Variants in DNAI7 observed in about 807,000 individuals in gnomAD.
The protein encoded by DNAI7 is cancer susceptibility 1.
DNAI7 carries 78 observed loss-of-function variants against 86.6 expected under a neutral mutation model. That is an observed-to-expected ratio of 0.90 (90% CI 0.75 to 1.09). The LOEUF is 1.09. Among genes scored for constraint, DNAI7 ranks in the 50% least tolerant of loss-of-function variants. DNAI7 has a pLI of 0.00. For synonymous variants in DNAI7, 274 were observed against 273.0 expected (o/e 1.00, Z -0.04); for missense variants, 753 against 810.2 (o/e 0.93, Z 0.86).
chr12:25,154,186 CCAATTA>C lies in DNAI7; in HGVS notation c.438+127_438+132del. 9 of 657,522 alleles carry C rather than the reference CCAATTA, an allele frequency of 1.4e-5. No homozygotes were observed. In the South Asian group the frequency reaches 2.4e-4, roughly 17 times the overall value. The allele number at this position is 657,522 out of a possible 1,614,324, so 40.7% of individuals were successfully genotyped here. A position where few individuals can be genotyped will look rare whatever the true frequency, so the allele number is the denominator to read the frequency against. The stretch of plus-strand genomic sequence containing the variant: ...AAGAAAAAAGAAAATGAAAAGATTA[CCAATTA>C]CTTCTTTTGCTAAGGGTTCAAAAGC... On this transcript the variant is annotated intron_variant, in intron 6 of 15. Coordinates refer to ENST00000395987, the MANE Select transcript of DNAI7 (RefSeq NM_018272.5).
intron 9 of DNAI7, among the ~76,000 whole-genome samples, chr12:25,126,456 G>A (rs2220193): frequency 0.68 from 103,974 of 151,964 alleles, 39,629 homozygotes; most frequent in East Asian, 0.99. Context: ...ACCCAAGGCA[G>A]AAGCAACCAG....
chr12:25,154,605 T>C (rs906676194), intron 5 of DNAI7, 149 bp from the exon 6 acceptor site: 18 of 679,840 alleles, frequency 2.6e-5, no homozygotes, highest in Non-Finnish European at 4.4e-5. Flanking sequence ...GAGAGAGCTC[T>C]AAAATAACCA....
intron 11 of DNAI7, 67 bp downstream of exon 11, chr12:25,121,680 TAGATAA>T (rs1941317525): frequency 8.2e-7 from 1 of 1,212,410 alleles, no homozygotes; most frequent in African/African-American, 1.5e-5. Flanking sequence ...TATTAGATGT[TAGATAA>T]TATGAAATAA....
chr12:25,156,060 C>T (rs940319075), intron 4 of DNAI7, among the ~76,000 whole-genome samples: 3 of 151,602 alleles, frequency 2.0e-5, no homozygotes, highest in Non-Finnish European at 2.9e-5. Context: ...CCCAAGATCG[C>T]GCAACCGCAC....
chr12:25,125,565 T>C (rs1942016418), intron 9 of DNAI7, among the ~76,000 whole-genome samples: 1 of 152,186 alleles, frequency 6.6e-6, no homozygotes, highest in African/African-American at 2.4e-5. Flanking sequence ...TGCAGGCTGT[T>C]TACTCTGTTG....
rs549756464 is a variant in DNAI7, at chr12:25,121,809, C to A, written c.1183G>T (p.Asp395Tyr). The A allele has an allele frequency of 8.1e-6, 13 of 1,607,854 alleles. No homozygotes were observed. In the South Asian group the frequency reaches 1.3e-4, roughly 17 times the overall value. Residue 395 changes from aspartate to tyrosine, a missense_variant, in exon 11 of 16, where the codon GAT (aspartate) becomes TAT (tyrosine). Asp to Tyr is a radical substitution (Grantham distance 160). Coordinates refer to ENST00000395987, the MANE Select transcript of DNAI7 (RefSeq NM_018272.5). Reference sequence around the variant, plus strand: ...CACTGTGGAGGAAGCTCCAAAATATCCAAGTGGTATACTCCACCCAGAGTT... The same window carrying A: ...CACTGTGGAGGAAGCTCCAAAATATACAAGTGGTATACTCCACCCAGAGTT... ...FTTLGGVYHL[D>Y]ILELPPQCKP...
chr12:25,124,988 G>A (rs927974850), intron 9 of DNAI7, among the ~76,000 whole-genome samples: 1 of 152,036 alleles, frequency 6.6e-6, no homozygotes. Context: ...TTCCATGGTG[G>A]GTATGTACAT....
intron 1 of DNAI7, among the ~76,000 whole-genome samples, chr12:25,194,422 T>A (rs1367909963): frequency 6.6e-6 from 1 of 152,210 alleles, no homozygotes. Flanking sequence ...ATGAATTAAA[T>A]AAGTAATTAC....
chr12:25,117,248 C>A (rs2140408588), intron 12 of DNAI7, among the ~76,000 whole-genome samples: 1 of 152,264 alleles, frequency 6.6e-6, no homozygotes, highest in South Asian at 2.1e-4. Flanking sequence ...GTTTTTAATA[C>A]ATAGACTATT....
At chr12:25,133,472 AG>A (rs1423088312) in intron 9 of DNAI7, among the ~76,000 whole-genome samples, 1 of 152,174 alleles carries the variant, frequency 6.6e-6, no homozygotes, top group Non-Finnish European at 1.5e-5. Flanking sequence ...TGGCAAGTAT[AG>A]GCCCATCTGA....
At chr12:25,141,952 A>C (rs1396891241) in intron 9 of DNAI7, among the ~76,000 whole-genome samples, 1 of 152,222 alleles carries the variant, frequency 6.6e-6, no homozygotes, top group Non-Finnish European at 1.5e-5. Flanking sequence ...CATTCCTGAA[A>C]AAACTAAAGG....
chr12:25,108,173 T>G, downstream of DNAI7: 1 of 1,215,484 alleles, frequency 8.2e-7, no homozygotes, highest in Non-Finnish European at 1.1e-6. Flanking sequence ...GTTCTCAGAA[T>G]GACTGTAAGA....
chr12:25,159,243 G>C (rs534700110), intron 3 of DNAI7, among the ~76,000 whole-genome samples: 1 of 152,052 alleles, frequency 6.6e-6, no homozygotes, highest in Non-Finnish European at 1.5e-5. Context: ...GGAGCTACTC[G>C]GCCTTATTAT....
intron 2 of DNAI7, among the ~76,000 whole-genome samples, chr12:25,182,165 C>A (rs374663870): frequency 6.6e-6 from 1 of 150,954 alleles, no homozygotes; most frequent in Admixed American, 6.6e-5. Context: ...CTGACCAACA[C>A]GGAGAAACCC....
intron 2 of DNAI7, among the ~76,000 whole-genome samples, chr12:25,181,331 T>G (rs1949486258): frequency 6.6e-6 from 1 of 151,888 alleles, no homozygotes; most frequent in Admixed American, 6.6e-5. Flanking sequence ...GTTTCCCAGG[T>G]TGGTCTTGAA....
At chr12:25,170,348 G>A (rs553701028) in intron 2 of DNAI7, among the ~76,000 whole-genome samples, 13 of 149,906 alleles carry the variant, frequency 8.7e-5, no homozygotes, top group South Asian at 6.3e-4. Flanking sequence ...CCGAGATTGC[G>A]CCACTGCACT....
chr12:25,155,143 C>A, intron 5 of DNAI7, among the ~76,000 whole-genome samples, 168 bp downstream of exon 5: 1 of 152,190 alleles, frequency 6.6e-6, no homozygotes, highest in Non-Finnish European at 1.5e-5. Flanking sequence ...TGACAAATAG[C>A]TTTCTACAAA....
chr12:25,149,858 A>T, intron 6 of DNAI7, 84 bp from the exon 7 acceptor site: 1 of 760,682 alleles, frequency 1.3e-6, no homozygotes, highest in Non-Finnish European at 2.1e-6. Flanking sequence ...TCCCTTTTGA[A>T]TTGAGGAACA....
At chr12:25,130,829 A>G (rs1942819143) in intron 9 of DNAI7, among the ~76,000 whole-genome samples, 1 of 152,138 alleles carries the variant, frequency 6.6e-6, no homozygotes. Context: ...CCCAATACCT[A>G]TAATATTATT....
Sources: allele counts gnomAD v4.1 joint callset (sites outside exome capture counted in the v4.1 genomes callset), GRCh38; gene constraint gnomAD v4.1.1; transcripts MANE v1.5; gene names NCBI Gene and HGNC (gene_info 2026-07-23, HGNC 2026-07-21).